The following TTN variants were observed in gnomAD, a reference collection of about 807,000 sequenced individuals.
TTN encodes titin, also known as connectin.
TTN carries 1,525 observed loss-of-function variants against 3,223.0 expected under a neutral mutation model. That is an observed-to-expected ratio of 0.47 (90% CI 0.45 to 0.49). The LOEUF (loss-of-function observed/expected upper bound fraction) is 0.49, where lower values mean the gene tolerates loss of function less well. Among genes scored for constraint, TTN ranks in the 20% least tolerant of loss-of-function variants. TTN has a pLI of 0.00. For synonymous variants in TTN, 14,094 were observed against 15,161.0 expected (o/e 0.93, Z 5.17); for missense variants, 40,786 against 43,424.0 (o/e 0.94, Z 5.40).
chr2:178,587,672 T>C lies in TTN; in HGVS notation c.63637A>G (p.Ile21213Val), dbSNP rs2049329163. The C allele has an allele frequency of 6.2e-7, 1 of 1,612,840 alleles. No homozygotes were observed. The highest frequency in any genetic ancestry group is 8.5e-7 in the Non-Finnish European group (1 of 1,179,434). The change falls in exon 306 of 363, where the codon ATT becomes GTT. Residue 21213 changes from isoleucine to valine, a missense_variant. Ile to Val is a conservative substitution (Grantham distance 29). Coordinates refer to ENST00000589042, the MANE Select transcript of TTN (RefSeq NM_001267550.2). ...TGTCCTTTTCTGACCACATTATCAATGCCAACTTTTCGCCAAGTGACTTTA... is the reference window on the plus strand; with the variant it reads ...TGTCCTTTTCTGACCACATTATCAACGCCAACTTTTCGCCAAGTGACTTTA... Reference protein sequence around the residue: ...APKVTWRKVGIDNVVRKGQVD... With the variant: ...APKVTWRKVGVDNVVRKGQVD...
intron 6 of TTN, among the ~76,000 whole-genome samples, chr2:178,796,704 C>T (rs2154357040): frequency 6.6e-6 from 1 of 152,210 alleles, no homozygotes. Context: ...TCTTGCTGTA[C>T]TTAGTAAATG....
intron 24 of TTN, chr2:178,778,470 G>A (rs1276619594): frequency 9.7e-6 from 3 of 308,724 alleles, no homozygotes; most frequent in South Asian, 6.7e-5. Context: ...CTGACTTGGA[G>A]TTTGAATGCT....
At chr2:178,536,789 T>G in intron 356 of TTN, 149 bp downstream of exon 356, 1 of 860,558 alleles carries the variant, frequency 1.2e-6, no homozygotes, top group African/African-American at 1.7e-5. Flanking sequence ...CTTTTAGATA[T>G]GCAAACATTC....
rs762833468 is a variant in TTN at position 178,554,505 on chromosome 2, A to G, written c.88842T>C (p.Tyr29614=). Residue 29614 remains tyrosine, a synonymous_variant, in exon 332 of 363, where the codon TAT becomes TAC. Transcript: ENST00000589042. ...CAGATTCCAGTGGCTCGCCAATTCC[A>G]TATTTGTTCACGGCTCGGACCCGGA... ...YIFRVRAVNK[Y]GIGEPLESDS... The G allele has an allele frequency of 6.2e-7, 1 of 1,612,672 alleles. No individual in the cohort carries two copies. The highest frequency in any genetic ancestry group is 8.5e-7 in the Non-Finnish European group (1 of 1,179,478).
At chr2:178,618,116 T>C in intron 252 of TTN, 35 bp from the exon 253 acceptor site, 1 of 1,610,774 alleles carries the variant, frequency 6.2e-7, no homozygotes, top group Non-Finnish European at 8.5e-7. Flanking sequence ...AATATGAGTT[T>C]GGGGTAACGA....
At position 178,786,283 on chromosome 2, in the gene TTN, A is replaced by T. The variant is rs940757174; in HGVS notation, c.2077-142T>A. The T allele has an allele frequency of 1.3e-5, 11 of 842,466 alleles. No homozygotes were observed. The African/African-American group carries it at 1.7e-4, about 13-fold the overall frequency. The allele number at this position is 842,466 out of a possible 1,614,324, so 52.2% of individuals were successfully genotyped here. On this transcript the variant is annotated intron_variant, in intron 13 of 362. Transcript: ENST00000589042. ...AGAAATGTATCTCAGAAACACTTTTAGGGACTATTTCATTGATTATTATAT... is the reference window on the plus strand; with the variant it reads ...AGAAATGTATCTCAGAAACACTTTTTGGGACTATTTCATTGATTATTATAT...
rs772768615 is a variant in TTN at position 178,746,154 on chromosome 2, C to T, written c.11312-4233G>A. On this transcript the variant is annotated intron_variant, in intron 47 of 362. Coordinates refer to ENST00000589042, the MANE Select transcript of TTN (RefSeq NM_001267550.2). ...TTATCTGGCTCAATACACATATATT[C>T]TTTATACCACTTAACTTCGGGAGTC... 6 of 1,613,198 alleles carry T rather than the reference C, an allele frequency of 3.7e-6. No individual in the cohort carries two copies. In the East Asian group the frequency reaches 1.1e-4, roughly 30 times the overall value.
Position 178,701,018 on chromosome 2 carries a change from C to G in TTN, c.30682+102G>C, listed in dbSNP as rs909395930. On this transcript the variant is annotated intron_variant, in intron 111 of 362. Coordinates refer to ENST00000589042, the MANE Select transcript of TTN (RefSeq NM_001267550.2). ...ATTTACATTTTGAAAGGCAATTCCA[C>G]CTCTTGACCACTAGAGGGCCAATGC... 5.2e-6 allele frequency: 5 copies of G among 968,892 alleles called. No individual in the cohort carries two copies. In the African/African-American group the frequency reaches 8.2e-5, roughly 16 times the overall value. 60.0% of individuals were successfully genotyped at this position (968,892 alleles called of 1,614,324 possible). A position where few individuals can be genotyped will look rare whatever the true frequency, so the allele number is the denominator to read the frequency against.
At chr2:178,650,935 T>C in intron 208 of TTN, 101 bp from the exon 209 acceptor site, 1 of 1,253,168 alleles carries the variant, frequency 8.0e-7, no homozygotes, top group Non-Finnish European at 1.1e-6. Flanking sequence ...CAGGGACAGA[T>C]CCAAGAACAA....
chr2:178,715,879 G>C lies in TTN; in HGVS notation c.25640-105C>G, dbSNP rs1449316744. 11 of 1,160,300 alleles carry C rather than the reference G, an allele frequency of 9.5e-6. No homozygotes were observed. In the East Asian group the frequency reaches 2.9e-4, roughly 30 times the overall value. 71.9% of individuals were successfully genotyped at this position (1,160,300 alleles called of 1,614,324 possible). On this transcript the variant is annotated intron_variant, in intron 88 of 362. Transcript: ENST00000589042. ...TTTGCTAGAGAGGTCTTTAGCTCTG[G>C]AAAACAAATTTATGCAGTTCAAGGA...
chr2:178,554,662 CCAT>C lies in TTN; in HGVS notation c.88682_88684del (p.Asp29561del), dbSNP rs1553546485. The C allele has an allele frequency of 6.2e-7, 1 of 1,613,940 alleles. No homozygotes were observed. Among genetic ancestry groups the C allele is most frequent in the African/African-American group, 1.3e-5 (1 of 75,054 alleles). ...AATGTAGTGAGTGATTTTTGCACCA[CCAT>C]CATCAGCTGGAGGCCGCCAGAGAAG... On this transcript the variant is annotated inframe_deletion, in exon 332 of 363. Transcript: ENST00000589042.
intron 42 of TTN, 59 bp from the exon 43 acceptor site, chr2:178,764,361 G>C: frequency 6.2e-7 from 1 of 1,612,956 alleles, no homozygotes; most frequent in Non-Finnish European, 8.5e-7. Context: ...CCTCACAGAA[G>C]GGAGCATGTA....
Position 178,646,542 on chromosome 2 carries a change from A to G in TTN, c.40240T>C (p.Tyr13414His). 6.5e-7 allele frequency: 1 copy of G among 1,546,526 alleles called. No individual in the cohort carries two copies. The highest frequency in any genetic ancestry group is 1.2e-5 in the South Asian group (1 of 83,730). ...PPVEEREIEK[Y>H]IKPEEPEPEP... ...GGTTCGGGCTCTTCAGGTTTAATAT[A>G]CTTTTCAATTTCACGTTCTTTAAAG... The change falls in exon 216 of 363, where the codon TAT becomes CAT. Residue 13414 changes from tyrosine (Y) to histidine (H), a missense_variant. Tyr to His is a moderately conservative substitution (Grantham distance 83). Transcript: ENST00000589042.
chr2:178,583,786 A>G lies in TTN; in HGVS notation c.65396T>C (p.Leu21799Pro), dbSNP rs1260259069. The change falls in exon 312 of 363, where the codon CTT becomes CCT. Residue 21799 changes from leucine (L) to proline (P), a missense_variant. Transcript: ENST00000589042. Reference protein sequence around the residue: ...IIGYFVEACKLPGDKWVRCNT... With the variant: ...IIGYFVEACKPPGDKWVRCNT... ...GCACCGTACCCATTTATCACCAGGA[A>G]GTTTGCAAGCTTCTACGAAATAGCC... is the stretch of plus-strand genomic sequence containing the variant. 1 of 1,610,932 alleles carries G rather than the reference A, an allele frequency of 6.2e-7. No homozygotes were observed. Among genetic ancestry groups the G allele is most frequent in the South Asian group, 1.1e-5 (1 of 90,550 alleles).
At position 178,601,282 on chromosome 2, in the gene TTN, G is replaced by A; in HGVS notation, c.55715C>T (p.Thr18572Ile). ...AAGCTTACATATCGGATCTCTGGCAGTGGTCCTCTGAATGGTTTCCACAGG... is the reference window on the plus strand; with the variant it reads ...AAGCTTACATATCGGATCTCTGGCAATGGTCCTCTGAATGGTTTCCACAGG... ...GPPVETIQRT[T>I]ARDPIYPPDP... is the part of the protein sequence containing the mutation. The change falls in exon 287 of 363, where the codon ACT becomes ATT. Residue 18572 changes from threonine to isoleucine, a missense_variant. Coordinates refer to ENST00000589042, the MANE Select transcript of TTN (RefSeq NM_001267550.2). 6 of 1,557,762 alleles carry A rather than the reference G, an allele frequency of 3.9e-6. No homozygotes were observed. The highest frequency in any genetic ancestry group is 4.3e-6 in the Non-Finnish European group (5 of 1,155,464).
At chr2:178,807,176 G>A (rs1575063928) in intron 1 of TTN, 36 bp downstream of exon 1, 2 of 152,134 alleles carry the variant, frequency 1.3e-5, no homozygotes, top group South Asian at 2.1e-4. Context: ...ATAAGAAAGT[G>A]ACTCTACTAT....
Position 178,591,362 on chromosome 2 carries a change from G to A in TTN, c.60363C>T (p.Thr20121=), listed in dbSNP as rs761041171. 7 of 1,613,184 alleles carry A rather than the reference G, an allele frequency of 4.3e-6. No individual in the cohort carries two copies. Among genetic ancestry groups the A allele is most frequent in the South Asian group, 3.3e-5 (3 of 91,038 alleles). ...CTGTTTCAACTGTGTAGTGCTCATC[G>A]GTTTTAATCTCACTCCCATCGGTTG... ...KWTTDGSEIK[T]DEHYTVETDN... Residue 20121 remains threonine (T), a synonymous_variant, in exon 304 of 363, where the codon ACC becomes ACT. Coordinates refer to ENST00000589042, the MANE Select transcript of TTN (RefSeq NM_001267550.2).
chr2:178,703,943 G>A lies in TTN; in HGVS notation c.30223+204C>T, dbSNP rs74950447. ...AGACTAGATTAAAATCTAAAAGAAC[G>A]ATGCAAAAGAACTGACACTCATTTG... is the stretch of plus-strand genomic sequence containing the variant. On this transcript the variant is annotated intron_variant, in intron 106 of 362. Coordinates refer to ENST00000589042, the MANE Select transcript of TTN (RefSeq NM_001267550.2). Among the ~76,000 whole-genome samples the A allele has an allele frequency of 5.3e-3, 810 of 152,306 alleles. 10 individuals are homozygous for A. Among genetic ancestry groups the A allele is most frequent in the African/African-American group, 0.019 (790 of 41,566 alleles).
rs749477930 is a variant in TTN, at chr2:178,546,456, A to G, written c.94875T>C (p.Val31625=). 39 of 1,613,652 alleles carry G rather than the reference A, an allele frequency of 2.4e-5. No homozygotes were observed. The highest frequency in any genetic ancestry group is 3.3e-5 in the Non-Finnish European group (39 of 1,179,704). The change falls in exon 342 of 363, where the codon GTT becomes GTC. Residue 31625 remains valine (V), a synonymous_variant. Coordinates refer to ENST00000589042, the MANE Select transcript of TTN (RefSeq NM_001267550.2). ...CAAGATCAGAACCTGCTCTGATGGT[A>G]ACCAGATCACCGTGTAATCGGGCAT... ...ELDARLHGDL[V]TIRAGSDLVL... is the part of the protein sequence containing the mutation.
Sources: gnomAD v4.1 joint callset for allele counts (sites outside exome capture counted in the v4.1 genomes callset) on GRCh38, gnomAD v4.1.1 for gene constraint, MANE v1.5 for transcripts, NCBI Gene and HGNC (gene_info 2026-07-23, HGNC 2026-07-21) for gene names.